The following INSR variants were observed in gnomAD, a reference collection of about 807,000 sequenced individuals.
The protein encoded by INSR is insulin receptor, also known as IR.
In INSR, 67 loss-of-function variants were observed where a neutral mutation model predicts 142.6. That is an observed-to-expected ratio of 0.47 (90% CI 0.39 to 0.58). INSR has a LOEUF of 0.58. INSR is among the 20% of genes least tolerant of loss of function. The pLI is 0.00. For missense variants in INSR, 1,248 were observed against 1,833.2 expected, an observed-to-expected ratio of 0.68 and a Z score of 5.83; for synonymous variants, 756 against 743.1, an observed-to-expected ratio of 1.02 and a Z score of -0.28.
chr19:7,260,549 G>A (rs1448732848), intron 2 of INSR, among the ~76,000 whole-genome samples: 4 of 152,140 alleles, frequency 2.6e-5, no homozygotes, highest in East Asian at 1.9e-4. Flanking sequence ...TCAGCAGGTC[G>A]CAAGATACAT....
At position 7,160,995 on chromosome 19, in the gene INSR, C is replaced by CAAA. The variant is rs371302865; in HGVS notation, c.2029+2034_2029+2036dup. Among the ~76,000 whole-genome samples, 303 of 101,714 alleles carry CAAA rather than the reference C, an allele frequency of 3.0e-3. 1 individual carries two copies. Among genetic ancestry groups the CAAA allele is most frequent in the South Asian group, 4.9e-3 (15 of 3,060 alleles). The allele number at this position is 101,714 out of a possible 152,430, so 66.7% of individuals were successfully genotyped here. A position where few individuals can be genotyped will look rare whatever the true frequency, so the allele number is the denominator to read the frequency against. On this transcript the variant is annotated intron_variant, in intron 9 of 21. Transcript: ENST00000302850. Reference sequence around the variant, plus strand: ...TGGGTGACGGAGTGAGACTCCGTGTCAAAAAAAAAAAAAAAGAAAATAATA... The same window carrying CAAA: ...TGGGTGACGGAGTGAGACTCCGTGTCAAAAAAAAAAAAAAAAAAGAAAATAATA...
At chr19:7,137,878 T>C (rs115637320) in intron 13 of INSR, among the ~76,000 whole-genome samples, 2,690 of 149,658 alleles carry the variant, frequency 0.018, 47 homozygotes, top group African/African-American at 0.042. Context: ...AGCTCTTCAG[T>C]TGTTCAACTC....
rs8103497 is a variant in INSR, at chr19:7,123,181, T to A, written c.3259-192A>T. The A allele has an allele frequency of 0.64, 352,962 of 548,774 alleles. 109,879 individuals carry two copies. The highest frequency in any genetic ancestry group is 0.77 in the Admixed American group (24,792 of 32,130). The allele number at this position is 548,774 out of a possible 1,614,324, so 34.0% of individuals were successfully genotyped here. ...ATAGGCCTTTGTATTTTTTTTTTTT[T>A]AATTTTCGAGACGGAATCTTGCTGT... On this transcript the variant is annotated intron_variant, in intron 17 of 21. Transcript: ENST00000302850.
At chr19:7,152,424 C>T (rs1227223397) in intron 10 of INSR, 1 of 399,286 alleles carries the variant, frequency 2.5e-6, no homozygotes, top group Admixed American at 3.8e-5. Flanking sequence ...AAATGTTAAT[C>T]GTCTAACGGA....
intron 2 of INSR, among the ~76,000 whole-genome samples, chr19:7,221,317 T>G (rs2145099205): frequency 6.6e-6 from 1 of 151,472 alleles, no homozygotes; most frequent in East Asian, 1.9e-4. Flanking sequence ...GAGGTTGCAG[T>G]GAGCTGAGAT....
chr19:7,221,536 C>T (rs899052386), intron 2 of INSR, among the ~76,000 whole-genome samples: 1 of 152,030 alleles, frequency 6.6e-6, no homozygotes, highest in Non-Finnish European at 1.5e-5. Context: ...GGCGAAACCC[C>T]GTCCCTACTA....
chr19:7,274,407 C>A (rs758606947), intron 1 of INSR, among the ~76,000 whole-genome samples: 1 of 151,658 alleles, frequency 6.6e-6, no homozygotes, highest in Non-Finnish European at 1.5e-5. Context: ...TTGGGGATCC[C>A]TGGTCTGCAG....
At chr19:7,160,995 CA>C (rs371302865) in intron 9 of INSR, among the ~76,000 whole-genome samples, 1,090 of 101,766 alleles carry the variant, frequency 0.011, 7 homozygotes, top group South Asian at 0.022. Flanking sequence ...GACTCCGTGT[CA>C]AAAAAAAAAA....
At chr19:7,177,700 G>A (rs1192554480) in intron 3 of INSR, among the ~76,000 whole-genome samples, 1 of 42,544 alleles carries the variant, frequency 2.4e-5, no homozygotes, top group Non-Finnish European at 5.2e-5. Context: ...ATCTAATTTT[G>A]TATTTTTTTT....
In INSR at chr19:7,216,757, C is replaced by T. The variant is rs1238110125; in HGVS notation, c.653-32120G>A. Among the ~76,000 whole-genome samples, 3 of 152,282 alleles carry T rather than the reference C, an allele frequency of 2.0e-5. No homozygotes were observed. The highest frequency in any genetic ancestry group is 2.1e-4 in the South Asian group (1 of 4,828). ...CAGGCCCAGGTGCTGGGTTTCTCACCGTATCCATTTCCCATTGCTGCTGTC... is the reference window on the plus strand; with the variant it reads ...CAGGCCCAGGTGCTGGGTTTCTCACTGTATCCATTTCCCATTGCTGCTGTC... On this transcript the variant is annotated intron_variant, in intron 2 of 21. Transcript: ENST00000302850. This position sits in a 1 kb window ranked among gnomAD's most constrained non-coding sequence, Gnocchi z 4.2.
intron 2 of INSR, among the ~76,000 whole-genome samples, chr19:7,205,336 C>T (rs577424460): frequency 3.2e-4 from 48 of 152,294 alleles, no homozygotes; most frequent in African/African-American, 1.1e-3. Flanking sequence ...CTGAAACGCC[C>T]GGGTTGTTAA....
intron 14 of INSR, among the ~76,000 whole-genome samples, chr19:7,131,577 A>T: frequency 6.9e-6 from 1 of 145,084 alleles, no homozygotes. Context: ...CGATCTCCTG[A>T]CCTTGTGATC....
Position 7,170,721 on chromosome 19 carries a change from C to G in INSR, c.1299G>C (p.Gln433His). 6.2e-7 allele frequency: 1 copy of G among 1,614,006 alleles called. No individual in the cohort carries two copies. Among genetic ancestry groups the G allele is most frequent in the Non-Finnish European group, 8.5e-7 (1 of 1,179,986 alleles). ...TCCAGTCCCAGAGCTGCCTTAGGTT[C>G]TGGTTGTCCAAGGCATAGAAGGAGT... is the stretch of plus-strand genomic sequence containing the variant. ...GNYSFYALDN[Q>H]NLRQLWDWSK... The change falls in exon 6 of 22, where the codon CAG (glutamine) becomes CAC (histidine). Residue 433 changes from glutamine to histidine, a missense_variant. Gln to His is a conservative substitution (Grantham distance 24, BLOSUM62 0). This residue lies in a region of INSR where 1,069 missense variants were observed against 1,654.0 expected (regional missense o/e 0.65). Coordinates refer to ENST00000302850, the MANE Select transcript of INSR (RefSeq NM_000208.4).
At chr19:7,187,291 AG>A (rs1272375832) in intron 2 of INSR, among the ~76,000 whole-genome samples, 2 of 151,646 alleles carry the variant, frequency 1.3e-5, no homozygotes, top group Admixed American at 1.3e-4. Flanking sequence ...CGTGTTGGCC[AG>A]GCTGGTCTCG....
At chr19:7,293,728 G>A in intron 1 of INSR, 64 bp downstream of exon 1, 1 of 1,247,974 alleles carries the variant, frequency 8.0e-7, no homozygotes, top group African/African-American at 1.6e-5. Context: ...GCTCGATTTT[G>A]GCTTGGGTGG....
intron 2 of INSR, among the ~76,000 whole-genome samples, chr19:7,185,425 A>G (rs1389992388): frequency 1.3e-5 from 2 of 152,158 alleles, no homozygotes; most frequent in Non-Finnish European, 2.9e-5. Context: ...CAAACCACTG[A>G]TTGCTTCAAC....
intron 3 of INSR, among the ~76,000 whole-genome samples, chr19:7,177,269 A>G (rs11671975): frequency 0.2 from 31,014 of 152,044 alleles, 3,513 homozygotes; most frequent in South Asian, 0.25. Context: ...TTGCTAGAAC[A>G]TGCTGGAAGG....
rs868296217 is a variant in INSR, at chr19:7,184,646, A to G, written c.653-9T>C. On this transcript the variant is annotated splice_polypyrimidine_tract_variant and intron_variant, in intron 2 of 21. Transcript: ENST00000302850. ...ACAGATGGTCGGGCAAACTGGAGAG[A>G]GAGAGAGAGAGAGAGGGAAATAAAT... 1.4e-6 allele frequency: 2 copies of G among 1,466,248 alleles called. No homozygotes were observed. Among genetic ancestry groups the G allele is most frequent in the African/African-American group, 3.1e-5 (2 of 64,256 alleles). The allele number at this position is 1,466,248 out of a possible 1,614,324, so 90.8% of individuals were successfully genotyped here. A position where few individuals can be genotyped will look rare whatever the true frequency, so the allele number is the denominator to read the frequency against.
intron 2 of INSR, among the ~76,000 whole-genome samples, chr19:7,197,021 T>G (rs929319209): frequency 3.3e-5 from 5 of 152,154 alleles, no homozygotes; most frequent in African/African-American, 9.7e-5. Context: ...GGAGCCAAAT[T>G]CCTCTAGTTG....
Sources: allele counts gnomAD v4.1 joint callset (sites outside exome capture counted in the v4.1 genomes callset), GRCh38; gene constraint gnomAD v4.1.1; regional missense constraint gnomAD v4.1.1; non-coding constraint Gnocchi (gnomAD v3.1); transcripts MANE v1.5; gene names NCBI Gene and HGNC (gene_info 2026-07-23, HGNC 2026-07-21).